CR1: variants seen among roughly 807,000 people sequenced by gnomAD.
The protein encoded by CR1 is complement receptor type 1.
A neutral mutation model predicts 187.3 loss-of-function variants in CR1; 116 were observed. The ratio of observed to expected loss-of-function variants is 0.62; its 90% CI spans 0.53 to 0.72. The LOEUF is 0.72. CR1 is among the 30% of genes least tolerant of loss of function. The pLI is 0.00. For missense variants in CR1, 1,731 were observed against 2,110.7 expected (o/e 0.82, Z 3.52); for synonymous variants, 576 against 747.1 (o/e 0.77, Z 3.73).
At chr1:207,567,402 T>C (rs970455567) in intron 24 of CR1, among the ~76,000 whole-genome samples, 1 of 150,046 alleles carries the variant, frequency 6.7e-6, no homozygotes, top group African/African-American at 2.5e-5. Flanking sequence ...TTAGCACACA[T>C]ATATACATTT....
At chr1:207,580,654 C>T in intron 31 of CR1, 41 bp downstream of exon 31, 3 of 1,537,466 alleles carry the variant, frequency 2.0e-6, no homozygotes, top group Non-Finnish European at 2.7e-6. Flanking sequence ...CTCAGCACTG[C>T]AGAGTGACTC....
intron 27 of CR1, among the ~76,000 whole-genome samples, chr1:207,574,147 G>A (rs1314001407): frequency 2.0e-5 from 3 of 152,036 alleles, no homozygotes; most frequent in Non-Finnish European, 2.9e-5. Context: ...AGGAAAAAGA[G>A]AAGACATATG....
chr1:207,613,466 G>C (rs1408219354), intron 39 of CR1, among the ~76,000 whole-genome samples: 1 of 152,136 alleles, frequency 6.6e-6, no homozygotes, highest in African/African-American at 2.4e-5. Flanking sequence ...ACACCAAATG[G>C]GAAGAGAGGT....
At chr1:207,621,436 CA>C (rs1379874705) in intron 43 of CR1, among the ~76,000 whole-genome samples, 1 of 152,096 alleles carries the variant, frequency 6.6e-6, no homozygotes, top group Non-Finnish European at 1.5e-5. Context: ...GAAAATAATA[CA>C]ACTATTCCTG....
At chr1:207,508,013 T>C (rs1431076902) in intron 3 of CR1, among the ~76,000 whole-genome samples, 1 of 152,204 alleles carries the variant, frequency 6.6e-6, no homozygotes, top group Non-Finnish European at 1.5e-5. Flanking sequence ...GAACCTTTTT[T>C]CACCATCACT....
In CR1 at chr1:207,580,167, G is replaced by C. The variant is rs1660888149; in HGVS notation, c.4937-73G>C. Reference sequence around the variant, plus strand: ...GGTTCTATTTCTCTACCTCTGACTAGCTATGAGGTCTTCAGGAAGCATAGG... The same window carrying C: ...GGTTCTATTTCTCTACCTCTGACTACCTATGAGGTCTTCAGGAAGCATAGG... On this transcript the variant is annotated intron_variant, in intron 29 of 46. Transcript: ENST00000367049. 5.7e-6 allele frequency: 9 copies of C among 1,574,468 alleles called. No individual in the cohort carries two copies. The South Asian group carries it at 8.4e-5, about 15-fold the overall frequency.
intron 5 of CR1, among the ~76,000 whole-genome samples, chr1:207,524,822 A>G (rs537968680): frequency 2.6e-5 from 4 of 152,028 alleles, no homozygotes; most frequent in African/African-American, 9.7e-5. Context: ...CAGTCATGAA[A>G]TCAAAACTTA....
chr1:207,510,681 C>A (rs1469067029), intron 3 of CR1, among the ~76,000 whole-genome samples: 1 of 150,916 alleles, frequency 6.6e-6, no homozygotes, highest in African/African-American at 2.5e-5. Context: ...GTGTTCAATT[C>A]TTTTTGATCA....
At chr1:207,584,968 T>C (rs1166361154) in intron 33 of CR1, 92 bp downstream of exon 33, 2 of 1,543,448 alleles carry the variant, frequency 1.3e-6, no homozygotes, top group African/African-American at 2.7e-5. Context: ...TATTTGTTTG[T>C]GAGCTTAACT....
intron 4 of CR1, among the ~76,000 whole-genome samples, chr1:207,522,610 G>A (rs2102305405): frequency 6.6e-6 from 1 of 152,284 alleles, no homozygotes; most frequent in East Asian, 1.9e-4. Context: ...TGCTTCACTA[G>A]TTTGTTAGCT....
intron 28 of CR1, among the ~76,000 whole-genome samples, chr1:207,576,493 T>G (rs181302546): frequency 1.3e-5 from 2 of 152,208 alleles, no homozygotes; most frequent in African/African-American, 4.8e-5. Context: ...TATTAGTTCT[T>G]CCAGAGCTTT....
intron 46 of CR1, among the ~76,000 whole-genome samples, chr1:207,636,596 T>A (rs113257484): frequency 5.3e-5 from 8 of 151,632 alleles, no homozygotes; most frequent in Non-Finnish European, 5.9e-5. Context: ...TTCCACAATC[T>A]TGTAGAATTT....
At chr1:207,567,288 G>C (rs1660531666) in intron 24 of CR1, among the ~76,000 whole-genome samples, 1 of 146,858 alleles carries the variant, frequency 6.8e-6, no homozygotes, top group South Asian at 2.1e-4. Context: ...TTTTATCATG[G>C]CCTGACTATG....
chr1:207,523,511 A>C, intron 4 of CR1, 100 bp from the exon 5 acceptor site: 1 of 1,549,634 alleles, frequency 6.5e-7, no homozygotes, highest in South Asian at 1.2e-5. Context: ...ATTAAAAGCA[A>C]ATAATGAATG....
chr1:207,619,963 G>A lies in CR1; in HGVS notation c.7150G>A (p.Val2384Met). The change falls in exon 43 of 47, where the codon GTG (valine) becomes ATG (methionine). Residue 2384 changes from valine (V) to methionine (M), a missense_variant. Around this residue, in one of 5 missense-constraint regions of CR1, gnomAD observed 1,312 missense variants for 1,379.6 expected, o/e 0.95. Transcript: ENST00000367049. Reference protein sequence around the residue: ...MKKVYHYGDYVTLKCEDGYTL... With the variant: ...MKKVYHYGDYMTLKCEDGYTL... ...AAAAGTATATCACTATGGAGATTAT[G>A]TGACTTTGAAGTGTGAAGATGGGTA... 1 of 1,613,348 alleles carries A rather than the reference G, an allele frequency of 6.2e-7. No homozygotes were observed. Among genetic ancestry groups the A allele is most frequent in the Non-Finnish European group, 8.5e-7 (1 of 1,179,608 alleles).
chr1:207,501,895 T>G (rs951013585), intron 1 of CR1, among the ~76,000 whole-genome samples: 4 of 150,408 alleles, frequency 2.7e-5, no homozygotes, highest in Non-Finnish European at 5.9e-5. Context: ...ACACTGAAAA[T>G]AACAGCAACT....
intron 24 of CR1, 68 bp downstream of exon 24, chr1:207,565,991 C>G: frequency 6.3e-7 from 1 of 1,575,770 alleles, no homozygotes. Flanking sequence ...GTCCTATGGC[C>G]TCCCTCAATG....
At chr1:207,503,861 T>G (rs1174065414) in intron 1 of CR1, among the ~76,000 whole-genome samples, 1 of 152,222 alleles carries the variant, frequency 6.6e-6, no homozygotes, top group East Asian at 1.9e-4. Context: ...TAGGGTCCGG[T>G]TTAGTAGCAA....
intron 1 of CR1, among the ~76,000 whole-genome samples, chr1:207,505,219 T>A (rs1003039810): frequency 2.0e-5 from 3 of 152,174 alleles, no homozygotes; most frequent in African/African-American, 7.2e-5. Flanking sequence ...AGTGGCACAG[T>A]CTTGGCTCAC....
Sources: gnomAD v4.1 joint callset for allele counts (sites outside exome capture counted in the v4.1 genomes callset) on GRCh38, gnomAD v4.1.1 for gene constraint, gnomAD v4.1.1 regional missense constraint, MANE v1.5 for transcripts, NCBI Gene and HGNC (gene_info 2026-07-23, HGNC 2026-07-21) for gene names.